The following DPYD variants were observed in gnomAD, a reference collection of about 807,000 sequenced individuals.
The protein encoded by DPYD is dihydropyrimidine dehydrogenase [NADP(+)].
Under a neutral mutation model 116.2 loss-of-function variants are expected in DPYD, and 109 were observed. The observed-to-expected ratio is 0.94, with a 90% CI of 0.80 to 1.10. The LOEUF (loss-of-function observed/expected upper bound fraction) is 1.10, where lower values mean the gene tolerates loss of function less well. Among genes scored for constraint, DPYD ranks in the 50% least tolerant of loss-of-function variants. The probability of loss-of-function intolerance (pLI) is 0.00; values close to 1 mark genes in which losing one functional copy is unlikely to be tolerated. For missense variants in DPYD, 1,302 were observed against 1,254.5 expected (o/e 1.04, Z -0.57); for synonymous variants, 440 against 432.0 (o/e 1.02, Z -0.23).
intron 3 of DPYD, among the ~76,000 whole-genome samples, chr1:97,774,316 C>T (rs778198428): frequency 4.6e-5 from 7 of 152,154 alleles, no homozygotes; most frequent in Non-Finnish European, 8.8e-5. Context: ...TCTGTTTGCC[C>T]TCATGGAGTT....
At chr1:97,632,454 C>T (rs1657322085) in intron 8 of DPYD, among the ~76,000 whole-genome samples, 1 of 152,100 alleles carries the variant, frequency 6.6e-6, no homozygotes, top group Non-Finnish European at 1.5e-5. Context: ...ATTAGTCATA[C>T]TACTACTGAT....
At chr1:97,862,928 A>G (rs1383883705) in intron 2 of DPYD, among the ~76,000 whole-genome samples, 1 of 151,882 alleles carries the variant, frequency 6.6e-6, no homozygotes, top group Non-Finnish European at 1.5e-5. Flanking sequence ...CATCACATCA[A>G]TCTCGAATAT....
intron 4 of DPYD, among the ~76,000 whole-genome samples, chr1:97,723,488 CT>C (rs907676126): frequency 5.3e-5 from 8 of 151,326 alleles, no homozygotes; most frequent in African/African-American, 1.7e-4. Flanking sequence ...CACAAAAGTT[CT>C]TTTCAATATA....
chr1:97,132,749 T>C (rs989175301), intron 20 of DPYD, among the ~76,000 whole-genome samples: 1 of 152,136 alleles, frequency 6.6e-6, no homozygotes, highest in African/African-American at 2.4e-5. Context: ...TCAATTATTT[T>C]CTATATTGCT....
chr1:97,595,237 A>G (rs1466014476), intron 8 of DPYD, 71 bp from the exon 9 acceptor site: 2 of 1,229,180 alleles, frequency 1.6e-6, no homozygotes, highest in Non-Finnish European at 2.4e-6. Context: ...TAAAACAAAA[A>G]AGAAAACTTT....
intron 18 of DPYD, among the ~76,000 whole-genome samples, chr1:97,246,700 A>C (rs1246179802): frequency 1.3e-5 from 2 of 152,080 alleles, no homozygotes; most frequent in African/African-American, 4.8e-5. Context: ...GCCTACCCCC[A>C]GCTCTCGCAG....
At chr1:97,892,396 A>C (rs1281705132) in intron 1 of DPYD, among the ~76,000 whole-genome samples, 2 of 151,780 alleles carry the variant, frequency 1.3e-5, no homozygotes, top group African/African-American at 4.8e-5. Flanking sequence ...CATTAGTCAT[A>C]GTGTAGAGTG....
intron 1 of DPYD, among the ~76,000 whole-genome samples, chr1:97,905,577 C>T (rs956123657): frequency 2.0e-5 from 3 of 151,916 alleles, no homozygotes; most frequent in Admixed American, 6.6e-5. Context: ...CCAAAGTGGC[C>T]GGCAAAGGAC....
At chr1:97,219,054 G>C (rs1303064008) in intron 19 of DPYD, among the ~76,000 whole-genome samples, 1 of 152,194 alleles carries the variant, frequency 6.6e-6, no homozygotes, top group Non-Finnish European at 1.5e-5. Context: ...CAGGTAGAGA[G>C]AGAAGTCCTT....
chr1:97,594,382 T>C (rs1654734185), intron 9 of DPYD, among the ~76,000 whole-genome samples: 1 of 152,296 alleles, frequency 6.6e-6, no homozygotes, highest in African/African-American at 2.4e-5. Context: ...TTCTGAAGAA[T>C]AATTTAATAT....
chr1:97,348,160 C>T (rs1467377445), intron 16 of DPYD, among the ~76,000 whole-genome samples: 5 of 152,090 alleles, frequency 3.3e-5, no homozygotes, highest in African/African-American at 1.2e-4. Context: ...AAATTAAATG[C>T]CCGATTAACA....
chr1:97,713,690 C>G (rs1055681360), intron 5 of DPYD, among the ~76,000 whole-genome samples: 1 of 152,072 alleles, frequency 6.6e-6, no homozygotes, highest in Non-Finnish European at 1.5e-5. Flanking sequence ...CAGACAGACA[C>G]ATTTTACCAG....
At chr1:97,821,786 TACA>T (rs1668954653) in intron 3 of DPYD, among the ~76,000 whole-genome samples, 2 of 152,164 alleles carry the variant, frequency 1.3e-5, no homozygotes, top group African/African-American at 4.8e-5. Context: ...TGTAAGCACA[TACA>T]ACATTAAAAG....
intron 16 of DPYD, among the ~76,000 whole-genome samples, chr1:97,371,681 A>C (rs1396475480): frequency 6.6e-6 from 1 of 152,222 alleles, no homozygotes; most frequent in Non-Finnish European, 1.5e-5. Flanking sequence ...GTCCTCAGGC[A>C]GAGAAATCAT....
intron 18 of DPYD, among the ~76,000 whole-genome samples, chr1:97,297,632 C>T (rs1022125618): frequency 2.0e-5 from 3 of 152,124 alleles, no homozygotes; most frequent in African/African-American, 7.2e-5. Context: ...ATAGCATTGT[C>T]TGGGGATGGC....
At position 97,254,023 on chromosome 1, in the gene DPYD, C is replaced by G. The variant is rs557745419; in HGVS notation, c.2300-19029G>C. Among the ~76,000 whole-genome samples, 207 of 152,204 alleles carry G rather than the reference C, an allele frequency of 1.4e-3. 1 individual carries two copies. The highest frequency in any genetic ancestry group is 6.8e-3 in the Middle Eastern group (2 of 294). On this transcript the variant is annotated intron_variant, in intron 18 of 22. Coordinates refer to ENST00000370192, the MANE Select transcript of DPYD (RefSeq NM_000110.4). ...ATGAACTAAATATGCACACAGAACT[C>G]TATTAAGGCTTTTATTAATATTACT...
chr1:97,334,376 C>T (rs1416149115), intron 16 of DPYD, among the ~76,000 whole-genome samples: 1 of 152,156 alleles, frequency 6.6e-6, no homozygotes, highest in Non-Finnish European at 1.5e-5. Context: ...TGTACAAGTG[C>T]TAGCATGGGG....
intron 20 of DPYD, among the ~76,000 whole-genome samples, chr1:97,165,953 G>C (rs1656292534): frequency 6.6e-6 from 1 of 151,872 alleles, no homozygotes; most frequent in South Asian, 2.1e-4. Flanking sequence ...GCAGAGAAAA[G>C]AGAACACTTA....
chr1:97,794,345 A>C (rs1330126130), intron 3 of DPYD, among the ~76,000 whole-genome samples: 2 of 152,180 alleles, frequency 1.3e-5, no homozygotes, highest in Non-Finnish European at 2.9e-5. Flanking sequence ...TTAAACTCTC[A>C]AAAATAAATA....
Sources: allele counts gnomAD v4.1 joint callset (sites outside exome capture counted in the v4.1 genomes callset), GRCh38; gene constraint gnomAD v4.1.1; transcripts MANE v1.5; gene names NCBI Gene and HGNC (gene_info 2026-07-23, HGNC 2026-07-21).